TMEFF1: variants seen among roughly 807,000 people sequenced by gnomAD.
TMEFF1 encodes the protein tomoregulin-1.
TMEFF1 carries 20 observed loss-of-function variants against 47.5 expected under a neutral mutation model. The observed-to-expected ratio is 0.42, with a 90% CI of 0.30 to 0.61. TMEFF1 has a LOEUF of 0.61. Among genes scored for constraint, TMEFF1 ranks in the 20% least tolerant of loss-of-function variants. The pLI is 0.19. For missense variants in TMEFF1, 411 were observed against 471.1 expected (o/e 0.87, Z 1.18); for synonymous variants, 162 against 166.3 (o/e 0.97, Z 0.20).
chr9:100,542,538 T>C (rs1421809173), intron 5 of TMEFF1, among the ~76,000 whole-genome samples: 1 of 152,248 alleles, frequency 6.6e-6, no homozygotes, highest in African/African-American at 2.4e-5. Context: ...TTGTCTTAAA[T>C]AGAATTATGT....
chr9:100,540,281 A>G lies in TMEFF1; in HGVS notation c.561-7463A>G, dbSNP rs143505394. ...TTGGTGTGTTTACAAACCTCTAGCT[A>G]GACACAGAGTGTTGATTGGTGCGTT... On this transcript the variant is annotated intron_variant, in intron 5 of 9. Coordinates refer to ENST00000374879, the MANE Select transcript of TMEFF1 (RefSeq NM_003692.5). Among the ~76,000 whole-genome samples, 155 of 152,290 alleles carry G rather than the reference A, an allele frequency of 1.0e-3. 1 individual carries two copies. The highest frequency in any genetic ancestry group is 3.6e-3 in the African/African-American group (149 of 41,566).
intron 2 of TMEFF1, among the ~76,000 whole-genome samples, chr9:100,505,026 A>G (rs1327325857): frequency 6.6e-6 from 1 of 152,238 alleles, no homozygotes; most frequent in Non-Finnish European, 1.5e-5. Context: ...TAAAATAAAT[A>G]TTTCAGAATG....
intron 5 of TMEFF1, among the ~76,000 whole-genome samples, chr9:100,531,127 A>G (rs891110971): frequency 5.3e-5 from 8 of 152,164 alleles, no homozygotes; most frequent in African/African-American, 1.9e-4. Context: ...CACAGCCAAT[A>G]TCATACTGAA....
At chr9:100,570,265 T>C (rs924327661) in intron 8 of TMEFF1, among the ~76,000 whole-genome samples, 2 of 152,222 alleles carry the variant, frequency 1.3e-5, no homozygotes, top group Non-Finnish European at 2.9e-5. Flanking sequence ...TTCTTCAATA[T>C]ACTGATTTTA....
intron 1 of TMEFF1, among the ~76,000 whole-genome samples, chr9:100,498,034 C>G (rs1173057569): frequency 6.6e-6 from 1 of 152,034 alleles, no homozygotes; most frequent in Non-Finnish European, 1.5e-5. Flanking sequence ...CACCCACTTT[C>G]ACTGATTGGC....
intron 2 of TMEFF1, 41 bp downstream of exon 2, chr9:100,498,915 C>A: frequency 6.3e-7 from 1 of 1,580,508 alleles, no homozygotes; most frequent in Non-Finnish European, 8.6e-7. Context: ...TTATATTCTT[C>A]GTATTTTATA....
At chr9:100,483,496 T>C (rs1299360096) in intron 1 of TMEFF1, among the ~76,000 whole-genome samples, 1 of 82,504 alleles carries the variant, frequency 1.2e-5, no homozygotes, top group Non-Finnish European at 2.5e-5. Flanking sequence ...AAACAACATC[T>C]CAAAAAACAA....
intron 5 of TMEFF1, among the ~76,000 whole-genome samples, chr9:100,532,909 T>G (rs566464840): frequency 6.6e-6 from 1 of 152,066 alleles, no homozygotes; most frequent in Admixed American, 6.5e-5. Context: ...TATGCAGCCA[T>G]AAAAAATGAT....
In TMEFF1 at chr9:100,473,367, CG is replaced by C; in HGVS notation, c.-177del. ...CCGGACCCGCCGACTCCGTCCCGAG[CG>C]CCGCGGGCCCGGGCCTGGCGGACGC... On this transcript the variant is annotated 5_prime_UTR_variant, in exon 1 of 10. Transcript: ENST00000374879. The surrounding 1 kb of genome is among the most constrained non-coding windows in gnomAD (Gnocchi z 5.4). 1 of 357,272 alleles carries C rather than the reference CG, an allele frequency of 2.8e-6. No individual in the cohort carries two copies. The highest frequency in any genetic ancestry group is 6.0e-5 in the East Asian group (1 of 16,658). 22.1% of individuals were successfully genotyped at this position (357,272 alleles called of 1,614,324 possible). A position where few individuals can be genotyped will look rare whatever the true frequency, so the allele number is the denominator to read the frequency against.
intron 8 of TMEFF1, among the ~76,000 whole-genome samples, chr9:100,562,617 G>T (rs1839037707): frequency 6.8e-6 from 1 of 147,980 alleles, no homozygotes; most frequent in African/African-American, 2.5e-5. Context: ...TAACAGGCCA[G>T]GTTTTTTTTT....
At chr9:100,556,205 T>G (rs1190559221) in intron 7 of TMEFF1, among the ~76,000 whole-genome samples, 1 of 152,232 alleles carries the variant, frequency 6.6e-6, no homozygotes, top group Admixed American at 6.5e-5. Context: ...TGCTTCAAAC[T>G]TCTGGAACTA....
chr9:100,532,129 G>A (rs1424933342), intron 5 of TMEFF1, among the ~76,000 whole-genome samples: 234 of 151,976 alleles, frequency 1.5e-3, no homozygotes, highest in African/African-American at 5.0e-3. Flanking sequence ...ACCTAAAACC[G>A]TAAAAACCCT....
intron 2 of TMEFF1, among the ~76,000 whole-genome samples, chr9:100,505,410 CAAAAAAAAAAAAA>C (rs60312984): frequency 1.5e-4 from 4 of 26,430 alleles, no homozygotes; most frequent in East Asian, 1.4e-3. Flanking sequence ...GACCCTGTCT[CAAAAAAAAAAAAA>C]AAAAAAAAAA....
At chr9:100,522,697 A>G (rs1340483550) in intron 5 of TMEFF1, among the ~76,000 whole-genome samples, 1 of 151,204 alleles carries the variant, frequency 6.6e-6, no homozygotes, top group East Asian at 2.0e-4. Flanking sequence ...GGCCTCCCAA[A>G]GTGCTGGGAT....
chr9:100,576,807 C>A lies in TMEFF1; in HGVS notation c.*207C>A. On this transcript the variant is annotated 3_prime_UTR_variant, in exon 10 of 10. Coordinates refer to ENST00000374879, the MANE Select transcript of TMEFF1 (RefSeq NM_003692.5). ...TTTTTAAATACAGAAATTGCTTTCA[C>A]AAATTTGTACCACATGGTAATTCTA... The A allele has an allele frequency of 2.1e-6, 1 of 478,790 alleles. No homozygotes were observed. 29.7% of individuals were successfully genotyped at this position (478,790 alleles called of 1,614,324 possible). A position where few individuals can be genotyped will look rare whatever the true frequency, so the allele number is the denominator to read the frequency against.
At chr9:100,536,733 T>C (rs1838519343) in intron 5 of TMEFF1, among the ~76,000 whole-genome samples, 1 of 152,204 alleles carries the variant, frequency 6.6e-6, no homozygotes, top group Non-Finnish European at 1.5e-5. Context: ...GGCTGAGCCT[T>C]AACTGTAATG....
At chr9:100,545,088 G>A (rs1171308914) in intron 5 of TMEFF1, among the ~76,000 whole-genome samples, 2 of 152,186 alleles carry the variant, frequency 1.3e-5, no homozygotes, top group Admixed American at 6.5e-5. Flanking sequence ...CACAGTGCGA[G>A]CTGTCAGTAG....
In TMEFF1 at chr9:100,547,765, C is replaced by T; in HGVS notation, c.582C>T (p.Cys194=). The T allele has an allele frequency of 6.3e-7, 1 of 1,591,840 alleles. No individual in the cohort carries two copies. Among genetic ancestry groups the T allele is most frequent in the Non-Finnish European group, 8.5e-7 (1 of 1,171,218 alleles). Residue 194 remains cysteine, a synonymous_variant, in exon 6 of 10, where the codon TGC becomes TGT. Transcript: ENST00000374879. Reference sequence around the variant, plus strand: ...ACAGGTGTGTATGTAATATAGATTGCAGTGGATACAGTTTTAATCCTGTGT... The same window carrying T: ...ACAGGTGTGTATGTAATATAGATTGTAGTGGATACAGTTTTAATCCTGTGT... The part of the protein sequence containing the change: ...ENVGCVCNID[C]SGYSFNPVCA...
intron 5 of TMEFF1, among the ~76,000 whole-genome samples, chr9:100,536,606 TA>T (rs1477833240): frequency 6.6e-6 from 1 of 152,252 alleles, no homozygotes; most frequent in Admixed American, 6.5e-5. Flanking sequence ...ACATTTCTTT[TA>T]AGTCTTCTCT....
Sources: allele counts gnomAD v4.1 joint callset (sites outside exome capture counted in the v4.1 genomes callset), GRCh38; gene constraint gnomAD v4.1.1; non-coding constraint Gnocchi (gnomAD v3.1); transcripts MANE v1.5; gene names NCBI Gene and HGNC (gene_info 2026-07-23, HGNC 2026-07-21).